AKAP13: variants seen among roughly 807,000 people sequenced by gnomAD.
The protein encoded by AKAP13 is A-kinase anchoring protein 13.
In AKAP13, 80 loss-of-function variants were observed where a neutral mutation model predicts 264.5. The observed-to-expected ratio is 0.30, with a 90% CI of 0.25 to 0.36. The LOEUF (loss-of-function observed/expected upper bound fraction) is 0.36, where lower values mean the gene tolerates loss of function less well. Ranked by LOEUF, AKAP13 falls within the 10% of genes least tolerant of loss-of-function variation. AKAP13 has a pLI of 1.00. For synonymous variants in AKAP13, 1,380 were observed against 1,250.2 expected (o/e 1.10, Z -2.19); for missense variants, 3,712 against 3,435.2 (o/e 1.08, Z -2.01).
chr15:85,604,358 G>A (rs991912764), intron 8 of AKAP13, among the ~76,000 whole-genome samples: 3 of 152,042 alleles, frequency 2.0e-5, no homozygotes, highest in Non-Finnish European at 4.4e-5. Flanking sequence ...ATTAAAATGA[G>A]TATTTAGGAC....
chr15:85,734,717 A>G (rs1430440080), intron 30 of AKAP13, among the ~76,000 whole-genome samples: 1 of 152,222 alleles, frequency 6.6e-6, no homozygotes, highest in Non-Finnish European at 1.5e-5. Context: ...TCCAGAAGCC[A>G]TGTCACTTCT....
At position 85,684,793 on chromosome 15, in the gene AKAP13, T is replaced by C. The variant is rs2084802956; in HGVS notation, c.5209T>C (p.Ser1737Pro). The C allele has an allele frequency of 6.2e-7, 1 of 1,613,712 alleles. No homozygotes were observed. The highest frequency in any genetic ancestry group is 8.5e-7 in the Non-Finnish European group (1 of 1,179,976). ...FLPHSPSKKD[S>P]EWKSGTKVSR... is the part of the protein sequence containing the mutation. ...GCCACATAGCCCCTCCAAGAAAGAT[T>C]CTGAATGGAAGAGTGGAACAAAAGT... The change falls in exon 16 of 37, where the codon TCT (serine) becomes CCT (proline). Residue 1737 changes from serine to proline, a missense_variant. Coordinates refer to ENST00000394518, the MANE Select transcript of AKAP13 (RefSeq NM_007200.5).
At position 85,744,638 on chromosome 15, in the gene AKAP13, G is replaced by A. The variant is rs373174998; in HGVS notation, c.8403G>A (p.Ala2801=). The A allele has an allele frequency of 4.5e-5, 73 of 1,613,548 alleles. No individual in the cohort carries two copies. Among genetic ancestry groups the A allele is most frequent in the East Asian group, 2.9e-4 (13 of 44,876 alleles). ...TSRSQPGDGP[A]SEVSAEGEEI... ...TTTTCACATTTCCAGATGGTCCCGC[G>A]TCAGAAGTATCAGCAGAGGGTGAAG... Residue 2801 remains alanine (A), a synonymous_variant, in exon 37 of 37, where the codon GCG becomes GCA. Transcript: ENST00000394518.
chr15:85,587,309 G>A (rs1025192398), intron 8 of AKAP13, among the ~76,000 whole-genome samples: 1 of 152,220 alleles, frequency 6.6e-6, no homozygotes, highest in African/African-American at 2.4e-5. Context: ...AACACAATAT[G>A]TGATCTTTTG....
intron 1 of AKAP13, among the ~76,000 whole-genome samples, chr15:85,460,601 A>G (rs143094093): frequency 7.3e-4 from 112 of 152,382 alleles, no homozygotes; most frequent in African/African-American, 2.6e-3. Flanking sequence ...CTCTGAAGAT[A>G]TAATTAAGAT....
intron 17 of AKAP13, among the ~76,000 whole-genome samples, chr15:85,698,142 A>G (rs944975743): frequency 1.3e-5 from 2 of 152,196 alleles, no homozygotes; most frequent in African/African-American, 4.8e-5. Flanking sequence ...TATATTTTGT[A>G]TAGTATATAG....
At chr15:85,423,104 T>A (rs1394845829) in intron 1 of AKAP13, among the ~76,000 whole-genome samples, 1 of 152,244 alleles carries the variant, frequency 6.6e-6, no homozygotes, top group Non-Finnish European at 1.5e-5. Flanking sequence ...CAAGTCGTGA[T>A]CTTTTTGCTG....
chr15:85,473,055 ACT>A (rs900484439), intron 1 of AKAP13, among the ~76,000 whole-genome samples: 6 of 152,348 alleles, frequency 3.9e-5, no homozygotes, highest in Non-Finnish European at 5.9e-5. Flanking sequence ...TCATAAAATC[ACT>A]GTTGTAACAG....
At chr15:85,658,243 T>A (rs371031007) in intron 11 of AKAP13, among the ~76,000 whole-genome samples, 1 of 152,196 alleles carries the variant, frequency 6.6e-6, no homozygotes, top group East Asian at 1.9e-4. Flanking sequence ...AAAACCCCTT[T>A]AAAGCTTTGA....
chr15:85,560,702 T>A (rs2078340566), intron 5 of AKAP13, among the ~76,000 whole-genome samples: 1 of 152,138 alleles, frequency 6.6e-6, no homozygotes, highest in Non-Finnish European at 1.5e-5. Flanking sequence ...GAATATCAAT[T>A]TCTGATTTTT....
intron 3 of AKAP13, among the ~76,000 whole-genome samples, chr15:85,527,404 TAC>T (rs1180040354): frequency 6.6e-6 from 1 of 152,210 alleles, no homozygotes. Flanking sequence ...AAAAAAAACT[TAC>T]AGTGATATAT....
intron 1 of AKAP13, among the ~76,000 whole-genome samples, chr15:85,431,613 T>C (rs2073026985): frequency 6.6e-6 from 1 of 152,226 alleles, no homozygotes; most frequent in African/African-American, 2.4e-5. Flanking sequence ...GATGAGGTGC[T>C]GGTTACCTTG....
At position 85,664,556 on chromosome 15, in the gene AKAP13, T is replaced by C; in HGVS notation, c.4800-7T>C. ...AGAATGAATTAACTTTTGTGCCCTATGTTCAGTTTCAGTCTAGAAGGCTTG... is the reference window on the plus strand; with the variant it reads ...AGAATGAATTAACTTTTGTGCCCTACGTTCAGTTTCAGTCTAGAAGGCTTG... On this transcript the variant is annotated splice_region_variant and splice_polypyrimidine_tract_variant and intron_variant, in intron 12 of 36. Coordinates refer to ENST00000394518, the MANE Select transcript of AKAP13 (RefSeq NM_007200.5). 8 of 1,598,040 alleles carry C rather than the reference T, an allele frequency of 5.0e-6. No individual in the cohort carries two copies. Among genetic ancestry groups the C allele is most frequent in the Non-Finnish European group, 6.8e-6 (8 of 1,170,746 alleles).
At chr15:85,567,941 G>GGTATGTGT (rs1555445388) in intron 5 of AKAP13, among the ~76,000 whole-genome samples, 2 of 141,828 alleles carry the variant, frequency 1.4e-5, no homozygotes, top group Non-Finnish European at 3.0e-5. Context: ...AGCCCAAAGA[G>GGTATGTGT]GTGTGTGTGT....
intron 6 of AKAP13, 150 bp downstream of exon 6, chr15:85,575,479 G>A: frequency 2.7e-6 from 2 of 748,040 alleles, no homozygotes; most frequent in Admixed American, 2.3e-5. Context: ...GGATCACGAG[G>A]TCAGGAGATG....
In AKAP13 at chr15:85,580,752, A is replaced by G. The variant is rs751242439; in HGVS notation, c.2684A>G (p.Gln895Arg). The change falls in exon 7 of 37, where the codon CAA becomes CGA. Residue 895 changes from glutamine to arginine, a missense_variant. Physicochemically the swap from Gln to Arg is conservative, Grantham distance 43. Around this residue, in one of 3 missense-constraint regions of AKAP13, gnomAD observed 2,759 missense variants for 2,411.7 expected, o/e 1.14. Coordinates refer to ENST00000394518, the MANE Select transcript of AKAP13 (RefSeq NM_007200.5). Reference protein sequence around the residue: ...NIKGNTDSSLQSVGKATLALD... With the variant: ...NIKGNTDSSLRSVGKATLALD... ...AAGGGGAACACTGACTCTTCCCTGC[A>G]AAGTGTGGGTAAGGCCACTTTGGCT... 1.2e-6 allele frequency: 2 copies of G among 1,614,150 alleles called. No homozygotes were observed. The highest frequency in any genetic ancestry group is 1.7e-6 in the Non-Finnish European group (2 of 1,180,018).
At chr15:85,547,256 C>T (rs981205689) in intron 5 of AKAP13, among the ~76,000 whole-genome samples, 2 of 152,174 alleles carry the variant, frequency 1.3e-5, no homozygotes, top group African/African-American at 4.8e-5. Flanking sequence ...TATAGCCCTT[C>T]CCAAGTACAT....
Position 85,688,166 on chromosome 15 carries a change from A to C in AKAP13, c.5289+3293A>C, listed in dbSNP as rs558381414. On this transcript the variant is annotated intron_variant, in intron 16 of 36. Transcript: ENST00000394518. ...CCATGCAGAAGTACTGTATTTTCTAAATGGTAACATAAAAATTAATGAATA... is the reference window on the plus strand; with the variant it reads ...CCATGCAGAAGTACTGTATTTTCTACATGGTAACATAAAAATTAATGAATA... Among the ~76,000 whole-genome samples the C allele has an allele frequency of 5.9e-5, 9 of 152,264 alleles. 1 individual carries two copies. Among genetic ancestry groups the C allele is most frequent in the African/African-American group, 2.2e-4 (9 of 41,528 alleles).
intron 8 of AKAP13, among the ~76,000 whole-genome samples, chr15:85,609,826 T>A (rs1226566348): frequency 6.6e-6 from 1 of 152,204 alleles, no homozygotes; most frequent in Non-Finnish European, 1.5e-5. Context: ...AACACCCACC[T>A]CCTCTCTTCC....
Sources: gnomAD v4.1 joint callset for allele counts (sites outside exome capture counted in the v4.1 genomes callset) on GRCh38, gnomAD v4.1.1 for gene constraint, gnomAD v4.1.1 regional missense constraint, MANE v1.5 for transcripts, NCBI Gene and HGNC (gene_info 2026-07-23, HGNC 2026-07-21) for gene names.